Variants in CCDC171 observed in about 807,000 individuals in gnomAD.
CCDC171 encodes coiled-coil domain containing 171.
A neutral mutation model predicts 168.2 loss-of-function variants in CCDC171; 177 were observed. The ratio of observed to expected loss-of-function variants is 1.05; its 90% CI spans 0.93 to 1.19. The LOEUF (loss-of-function observed/expected upper bound fraction) is 1.19, where lower values mean the gene tolerates loss of function less well. CCDC171 is among the 50% of genes most tolerant of loss of function. The pLI is 0.00. For synonymous variants in CCDC171, 687 were observed against 540.8 expected, an observed-to-expected ratio of 1.27 and a Z score of -3.75; for missense variants, 1,991 against 1,539.0, an observed-to-expected ratio of 1.29 and a Z score of -4.91.
intron 4 of CCDC171, among the ~76,000 whole-genome samples, chr9:15,587,185 A>G (rs1208153377): frequency 6.6e-6 from 1 of 152,102 alleles, no homozygotes; most frequent in Non-Finnish European, 1.5e-5. Context: ...CGGATGTTGG[A>G]GGACTCTTTT....
At chr9:15,710,410 C>G (rs1051533732) in intron 11 of CCDC171, among the ~76,000 whole-genome samples, 2 of 152,096 alleles carry the variant, frequency 1.3e-5, no homozygotes, top group African/African-American at 4.8e-5. Context: ...TCATGCCACT[C>G]TCCTGCCTCA....
intron 9 of CCDC171, among the ~76,000 whole-genome samples, chr9:15,676,168 C>CTTGTGCATTCGAATTGGCTTGTGCA (rs1287945627): frequency 7.2e-5 from 11 of 152,060 alleles, no homozygotes; most frequent in Admixed American, 7.2e-4. Context: ...ATCGAATTGG[C>CTTGTGCATTCGAATTGGCTTGTGCA]TATTGAAGCT....
chr9:16,098,676 G>A, the CCDC171 span, among the ~76,000 whole-genome samples: 1 of 152,198 alleles, frequency 6.6e-6, no homozygotes, highest in Non-Finnish European at 1.5e-5. Context: ...AACACTACTA[G>A]TTGGGTTTTT....
In CCDC171 at chr9:15,996,417, C is replaced by CTTTT. The variant is rs34798326; in HGVS notation, n.369-24151_369-24148dup. On this transcript the variant is annotated intron_variant and non_coding_transcript_variant, in intron 3 of 9. Transcript: ENST00000486641. ...GGCAGCTGAATGGGGCTAGGAGGCT[C>CTTTT]TTTTTTTTTTTTTTTTTTTTTTTTG... 8.1e-4 allele frequency among the ~76,000 whole-genome samples: 52 copies of CTTTT among 64,578 alleles called. 1 individual carries two copies. The highest frequency in any genetic ancestry group is 2.3e-3 in the African/African-American group (41 of 17,748). The allele number at this position is 64,578 out of a possible 152,430, so 42.4% of individuals were successfully genotyped here. A position where few individuals can be genotyped will look rare whatever the true frequency, so the allele number is the denominator to read the frequency against.
intron 6 of CCDC171, among the ~76,000 whole-genome samples, chr9:15,598,555 T>A (rs1483595118): frequency 1.3e-5 from 2 of 152,048 alleles, no homozygotes; most frequent in East Asian, 1.9e-4. Context: ...TGCTGAGGAG[T>A]GCTTTACTTC....
At chr9:15,837,002 A>G (rs939834523) in intron 21 of CCDC171, among the ~76,000 whole-genome samples, 1 of 152,238 alleles carries the variant, frequency 6.6e-6, no homozygotes, top group African/African-American at 2.4e-5. Flanking sequence ...GTGTAACTTG[A>G]CATTTTAACA....
At chr9:15,586,110 G>A (rs1308931763) in intron 4 of CCDC171, among the ~76,000 whole-genome samples, 1 of 152,158 alleles carries the variant, frequency 6.6e-6, no homozygotes. Flanking sequence ...CTATTTAGGA[G>A]TGAAATGTCC....
At position 15,779,026 on chromosome 9, in the gene CCDC171, C is replaced by T. The variant is rs922430954; in HGVS notation, c.2957C>T (p.Ala986Val). Residue 986 changes from alanine to valine, a missense_variant, in exon 20 of 26, where the codon GCA becomes GTA. Physicochemically the swap from Ala to Val is moderately conservative, Grantham distance 64. Coordinates refer to ENST00000380701, the MANE Select transcript of CCDC171 (RefSeq NM_173550.4). ...ILGFTQRLHAAEVERRSLRLE... is the reference protein window; with the variant it reads ...ILGFTQRLHAVEVERRSLRLE... ...GGATTTACACAAAGACTGCATGCTG[C>T]AGAAGTGGAGCGCCGCTCACTACGC... The T allele has an allele frequency of 3.8e-6, 6 of 1,596,690 alleles. No individual in the cohort carries two copies. Among genetic ancestry groups the T allele is most frequent in the African/African-American group, 2.7e-5 (2 of 74,438 alleles).
chr9:15,870,678 G>T (rs1341568457), intron 23 of CCDC171, among the ~76,000 whole-genome samples: 1 of 151,190 alleles, frequency 6.6e-6, no homozygotes, highest in Non-Finnish European at 1.5e-5. Context: ...TTTTTTAATT[G>T]GAACATAGAG....
At chr9:15,774,954 G>A (rs2057231550) in intron 18 of CCDC171, among the ~76,000 whole-genome samples, 1 of 152,198 alleles carries the variant, frequency 6.6e-6, no homozygotes, top group African/African-American at 2.4e-5. Context: ...GGACTCAGGG[G>A]AAAGGGTGAG....
downstream of CCDC171, among the ~76,000 whole-genome samples, chr9:15,976,599 A>C (rs1436734997): frequency 6.6e-6 from 1 of 151,938 alleles, no homozygotes; most frequent in Non-Finnish European, 1.5e-5. Context: ...AAGAAATTGA[A>C]TCTTGAATGA....
Position 15,748,223 on chromosome 9 carries a change from C to T in CCDC171, c.2671+2592C>T, listed in dbSNP as rs149461803. Among the ~76,000 whole-genome samples, 206 of 151,868 alleles carry T rather than the reference C, an allele frequency of 1.4e-3. 2 individuals carry two copies. Among genetic ancestry groups the T allele is most frequent in the Middle Eastern group, 6.8e-3 (2 of 294 alleles). ...TTGATCAAGCGGAAGAAAGTATATC[C>T]GTGATTGAAGATCAAACTAATGAAA... On this transcript the variant is annotated intron_variant, in intron 18 of 25. Coordinates refer to ENST00000380701, the MANE Select transcript of CCDC171 (RefSeq NM_173550.4).
chr9:15,951,746 A>G (rs568557140), intron 25 of CCDC171, among the ~76,000 whole-genome samples: 6 of 152,196 alleles, frequency 3.9e-5, no homozygotes, highest in South Asian at 4.1e-4. Context: ...GAAGTTTTCT[A>G]TATATTCTGG....
intron 6 of CCDC171, among the ~76,000 whole-genome samples, chr9:15,613,472 A>C (rs2043849644): frequency 6.6e-6 from 1 of 150,604 alleles, no homozygotes; most frequent in African/African-American, 2.4e-5. Context: ...ACATACATTT[A>C]AGAAAGCTTA....
downstream of CCDC171, among the ~76,000 whole-genome samples, chr9:15,975,708 A>T (rs1395729347): frequency 6.6e-6 from 1 of 152,216 alleles, no homozygotes; most frequent in African/African-American, 2.4e-5. Context: ...AAGCTGATCA[A>T]TAAAGCATTC....
At chr9:15,754,395 A>G (rs10810439) in intron 18 of CCDC171, among the ~76,000 whole-genome samples, 55,541 of 151,914 alleles carry the variant, frequency 0.37, 12,644 homozygotes, top group East Asian at 0.65. Flanking sequence ...TGTTCCAAGG[A>G]TTTAGTGAGA....
intron 21 of CCDC171, among the ~76,000 whole-genome samples, chr9:15,791,135 A>C (rs577451540): frequency 6.7e-4 from 102 of 152,280 alleles, no homozygotes; most frequent in African/African-American, 2.1e-3. Flanking sequence ...TCTGTGAAGA[A>C]AGTCATTGGT....
At chr9:15,814,376 G>A (rs947326356) in intron 21 of CCDC171, among the ~76,000 whole-genome samples, 8 of 152,160 alleles carry the variant, frequency 5.3e-5, no homozygotes, top group Non-Finnish European at 1.0e-4. Context: ...TACGAGGATG[G>A]GGTTGGGGAA....
At chr9:15,655,308 A>T (rs2047842421) in intron 7 of CCDC171, among the ~76,000 whole-genome samples, 1 of 152,108 alleles carries the variant, frequency 6.6e-6, no homozygotes, top group Non-Finnish European at 1.5e-5. Flanking sequence ...CTATTGAACT[A>T]CCCCATTGAC....
Sources: gnomAD v4.1 joint callset for allele counts (sites outside exome capture counted in the v4.1 genomes callset) on GRCh38, gnomAD v4.1.1 for gene constraint, MANE v1.5 for transcripts, NCBI Gene and HGNC (gene_info 2026-07-23, HGNC 2026-07-21) for gene names.